The following ZNF124 variants were observed in gnomAD, a reference collection of about 807,000 sequenced individuals.
The protein encoded by ZNF124 is zinc finger protein 124, also known as zinc finger protein HZF-16.
Under a neutral mutation model 26.6 loss-of-function variants are expected in ZNF124, and 25 were observed. The observed-to-expected ratio is 0.94, with a 90% CI of 0.68 to 1.31. The LOEUF (loss-of-function observed/expected upper bound fraction) is 1.31. Ranked by LOEUF, ZNF124 falls within the 40% of genes most tolerant of loss-of-function variation. The probability of loss-of-function intolerance (pLI) is 0.00; values close to 1 mark genes in which losing one functional copy is unlikely to be tolerated. For missense variants in ZNF124, 444 were observed against 422.2 expected, an observed-to-expected ratio of 1.05 and a Z score of -0.45; for synonymous variants, 129 against 133.3, an observed-to-expected ratio of 0.97 and a Z score of 0.22.
At chr1:247,160,382 G>T (rs1037012934) in intron 1 of ZNF124, among the ~76,000 whole-genome samples, 2 of 152,154 alleles carry the variant, frequency 1.3e-5, no homozygotes, top group African/African-American at 4.8e-5. Flanking sequence ...TTGCTGTTAT[G>T]ATTTTTCTTT....
At chr1:247,128,012 A>G (rs183027232) in intron 3 of ZNF124, among the ~76,000 whole-genome samples, 1 of 152,318 alleles carries the variant, frequency 6.6e-6, no homozygotes, top group East Asian at 1.9e-4. Context: ...CCATGACCGT[A>G]TTCCCCAGCC....
exon 4 of ZNF124, chr1:247,123,288 C>G (rs1672123304): frequency 6.6e-6 from 1 of 152,546 alleles, no homozygotes; most frequent in Non-Finnish European, 1.5e-5. Context: ...TCTCCGCCTC[C>G]CGGGTTCATG....
chr1:247,153,771 C>G (rs907323778), downstream of ZNF124, among the ~76,000 whole-genome samples: 2 of 152,152 alleles, frequency 1.3e-5, no homozygotes, highest in Non-Finnish European at 2.9e-5. Flanking sequence ...GTCATTTTGT[C>G]TAAGTTCATC....
chr1:247,125,356 C>A (rs192762130), intron 3 of ZNF124, among the ~76,000 whole-genome samples: 2 of 147,744 alleles, frequency 1.4e-5, no homozygotes, highest in African/African-American at 5.0e-5. Context: ...AGAGTGGCTG[C>A]GCCATTATGC....
chr1:247,148,146 G>A (rs16846292), intron 3 of ZNF124, among the ~76,000 whole-genome samples: 18,247 of 152,204 alleles, frequency 0.12, 1,391 homozygotes, highest in South Asian at 0.25. Flanking sequence ...TTGGCTAGGA[G>A]AATGAACATA....
chr1:247,141,103 C>T (rs1672615104), intron 3 of ZNF124, among the ~76,000 whole-genome samples: 1 of 151,296 alleles, frequency 6.6e-6, no homozygotes, highest in South Asian at 2.1e-4. Context: ...GTGCAATCAG[C>T]CCAGAACGGA....
downstream of ZNF124, among the ~76,000 whole-genome samples, chr1:247,152,973 A>C (rs1339478645): frequency 6.6e-6 from 1 of 152,098 alleles, no homozygotes; most frequent in Non-Finnish European, 1.5e-5. Flanking sequence ...CTCTACTAAA[A>C]ATACAAAAAA....
chr1:247,167,358 A>C (rs1044453527), intron 1 of ZNF124, among the ~76,000 whole-genome samples: 2 of 152,206 alleles, frequency 1.3e-5, no homozygotes, highest in African/African-American at 4.8e-5. Flanking sequence ...AACAGCACAG[A>C]CTTACCCACT....
rs1673911504 is a variant in ZNF124, at chr1:247,168,572, T to C, written c.30+3276A>G. Among the ~76,000 whole-genome samples, 1 of 152,130 alleles carries C rather than the reference T, an allele frequency of 6.6e-6. No individual in the cohort carries two copies. Among genetic ancestry groups the C allele is most frequent in the Non-Finnish European group, 1.5e-5 (1 of 68,036 alleles). On this transcript the variant is annotated intron_variant, in intron 1 of 3. Coordinates refer to ENST00000543802, the MANE Select transcript of ZNF124 (RefSeq NM_001297568.2). This position sits in a 1 kb window ranked among gnomAD's most constrained non-coding sequence, Gnocchi z 4.0. ...ACAAACAAAAACACTTGCACACGCA[T>C]GTTAACAGTAGCACAATTTGCCACT...
chr1:247,142,449 ATATTAT>A (rs141122515), intron 3 of ZNF124, among the ~76,000 whole-genome samples: 4,381 of 152,268 alleles, frequency 0.029, 221 homozygotes, highest in African/African-American at 0.1. Context: ...AAATCAGAAA[ATATTAT>A]TAGGGTGTAA....
chr1:247,157,394 T>C lies in ZNF124; in HGVS notation c.228A>G (p.Ile76Met). The C allele has an allele frequency of 6.4e-7, 1 of 1,552,422 alleles. No homozygotes were observed. The highest frequency in any genetic ancestry group is 8.7e-7 in the Non-Finnish European group (1 of 1,147,240). The change falls in exon 4 of 4, where the codon ATA (isoleucine) becomes ATG (methionine). Residue 76 changes from isoleucine to methionine, a missense_variant. Ile to Met is a conservative substitution (Grantham distance 10). Transcript: ENST00000543802. ...CATATGGGTTGTTTCCAGAATGAGA[T>C]ATGATGTGCCTATGAAGGGATGAAT... ...KNSSRNLRHIISHSGNNPYGC... is the reference protein window; with the variant it reads ...KNSSRNLRHIMSHSGNNPYGC...
intron 3 of ZNF124, among the ~76,000 whole-genome samples, chr1:247,130,937 G>T (rs182061550): frequency 6.6e-6 from 1 of 152,190 alleles, no homozygotes; most frequent in Admixed American, 6.5e-5. Flanking sequence ...TTAGCTGGGC[G>T]TGGTGGCGTA....
chr1:247,135,223 C>T (rs1672453592), intron 3 of ZNF124, among the ~76,000 whole-genome samples: 1 of 151,620 alleles, frequency 6.6e-6, no homozygotes, highest in African/African-American at 2.4e-5. Context: ...GACAGAGACA[C>T]AAAAAACCCT....
chr1:247,151,727 G>C (rs1672951347), downstream of ZNF124, among the ~76,000 whole-genome samples: 1 of 151,914 alleles, frequency 6.6e-6, no homozygotes, highest in African/African-American at 2.4e-5. Context: ...TAGCAGCCCT[G>C]TTCCTAATAC....
At chr1:247,164,950 C>T (rs746436051) in intron 1 of ZNF124, among the ~76,000 whole-genome samples, 3 of 151,882 alleles carry the variant, frequency 2.0e-5, no homozygotes, top group Admixed American at 6.6e-5. Flanking sequence ...AATAATGCCA[C>T]ACACCTACGA....
chr1:247,157,944 G>T (rs577603272), intron 3 of ZNF124, among the ~76,000 whole-genome samples: 1 of 139,572 alleles, frequency 7.2e-6, no homozygotes, highest in African/African-American at 2.9e-5. Flanking sequence ...TGAAAGATCC[G>T]ATTGTTAAAA....
chr1:247,146,610 GT>G (rs1386733021), intron 3 of ZNF124, among the ~76,000 whole-genome samples: 4 of 152,176 alleles, frequency 2.6e-5, no homozygotes, highest in Admixed American at 2.0e-4. Context: ...AAGTGATCAA[GT>G]TTTTCTTGAC....
intron 3 of ZNF124, among the ~76,000 whole-genome samples, chr1:247,147,877 A>G (rs1027574244): frequency 6.6e-6 from 1 of 152,138 alleles, no homozygotes; most frequent in Non-Finnish European, 1.5e-5. Context: ...GTTAGCCCCA[A>G]AGGCCCCACC....
chr1:247,151,946 C>T (rs112071016), downstream of ZNF124, among the ~76,000 whole-genome samples: 30 of 151,954 alleles, frequency 2.0e-4, no homozygotes, highest in African/African-American at 6.3e-4. Context: ...AGGAAAGTGA[C>T]CTATGCTGTT....
Sources: gnomAD v4.1 joint callset for allele counts (sites outside exome capture counted in the v4.1 genomes callset) on GRCh38, gnomAD v4.1.1 for gene constraint, Gnocchi (gnomAD v3.1) non-coding constraint, MANE v1.5 for transcripts, NCBI Gene and HGNC (gene_info 2026-07-23, HGNC 2026-07-21) for gene names.